The following MACROD2 variants were observed in gnomAD, a reference collection of about 807,000 sequenced individuals.
The protein encoded by MACROD2 is mono-ADP ribosylhydrolase 2, also known as ADP-ribose glycohydrolase MACROD2.
A neutral mutation model predicts 70.4 loss-of-function variants in MACROD2; 36 were observed. The observed-to-expected ratio is 0.51, with a 90% CI of 0.39 to 0.68. MACROD2 has a LOEUF of 0.68. Among genes scored for constraint, MACROD2 ranks in the 30% least tolerant of loss-of-function variants. The probability of loss-of-function intolerance (pLI) is 0.00; values close to 1 mark genes in which losing one functional copy is unlikely to be tolerated. For synonymous variants in MACROD2, 172 were observed against 178.8 expected (o/e 0.96, Z 0.30); for missense variants, 496 against 538.4 (o/e 0.92, Z 0.78).
At chr20:15,864,035 A>G (rs572717126) in intron 9 of MACROD2, among the ~76,000 whole-genome samples, 15 of 152,150 alleles carry the variant, frequency 9.9e-5, no homozygotes, top group Admixed American at 7.9e-4. Context: ...AAAGAAGAGG[A>G]CTGTGGTTAT....
chr20:14,565,183 TGGTGGGAA>T (rs1220851847), intron 4 of MACROD2, among the ~76,000 whole-genome samples: 1 of 151,668 alleles, frequency 6.6e-6, no homozygotes, highest in Non-Finnish European at 1.5e-5. Flanking sequence ...GGACTCCAAA[TGGTGGGAA>T]GATGGGAAGG....
At chr20:15,285,061 T>G (rs1021611127) in intron 6 of MACROD2, among the ~76,000 whole-genome samples, 3 of 142,098 alleles carry the variant, frequency 2.1e-5, no homozygotes, top group Admixed American at 2.1e-4. Context: ...GAAAATAATA[T>G]TACAAAACTT....
At chr20:14,637,638 A>T (rs1203688549) in intron 4 of MACROD2, among the ~76,000 whole-genome samples, 1 of 152,164 alleles carries the variant, frequency 6.6e-6, no homozygotes, top group Non-Finnish European at 1.5e-5. Context: ...CTCACATTGT[A>T]CTACAGCAAT....
chr20:15,961,101 G>A (rs887546328), intron 12 of MACROD2, among the ~76,000 whole-genome samples: 3 of 152,126 alleles, frequency 2.0e-5, no homozygotes, highest in Non-Finnish European at 2.9e-5. Context: ...AGAGCCACAC[G>A]ATGAGCCACT....
intron 4 of MACROD2, among the ~76,000 whole-genome samples, chr20:14,642,431 A>C (rs1054681514): frequency 1.3e-5 from 2 of 152,108 alleles, no homozygotes; most frequent in African/African-American, 4.8e-5. Context: ...TCGCATTCAC[A>C]TCATGGGTAA....
chr20:15,845,179 A>G (rs1259262097), intron 8 of MACROD2, among the ~76,000 whole-genome samples: 3 of 152,148 alleles, frequency 2.0e-5, no homozygotes, highest in Non-Finnish European at 2.9e-5. Flanking sequence ...TAATTAGTAA[A>G]GTTGAGGTCA....
chr20:14,434,662 A>G (rs893632677), intron 3 of MACROD2, among the ~76,000 whole-genome samples: 5 of 152,166 alleles, frequency 3.3e-5, no homozygotes, highest in African/African-American at 1.2e-4. Context: ...GGCTCATCCC[A>G]TCAATATACA....
At chr20:14,632,520 C>T (rs1984571287) in intron 4 of MACROD2, among the ~76,000 whole-genome samples, 1 of 152,058 alleles carries the variant, frequency 6.6e-6, no homozygotes, top group South Asian at 2.1e-4. Context: ...TTCTTTTCTC[C>T]ACCAAGCCCC....
intron 3 of MACROD2, among the ~76,000 whole-genome samples, chr20:14,469,418 T>C (rs985620873): frequency 2.0e-5 from 3 of 152,074 alleles, no homozygotes; most frequent in East Asian, 1.9e-4. Context: ...GGGGTTGCTC[T>C]TCTCGGGGAG....
At chr20:14,425,188 T>G (rs1486204220) in intron 3 of MACROD2, among the ~76,000 whole-genome samples, 1 of 152,220 alleles carries the variant, frequency 6.6e-6, no homozygotes, top group Non-Finnish European at 1.5e-5. Context: ...TTTTTGATAT[T>G]GAGCTTCATG....
chr20:15,393,357 C>T (rs149704963), intron 6 of MACROD2, among the ~76,000 whole-genome samples: 94 of 152,260 alleles, frequency 6.2e-4, no homozygotes, highest in Non-Finnish European at 1.1e-3. Context: ...CAAACCTGAC[C>T]CTTTCTCCAG....
chr20:15,664,483 C>T (rs6110716), intron 8 of MACROD2, among the ~76,000 whole-genome samples: 16,873 of 152,112 alleles, frequency 0.11, 1,344 homozygotes, highest in East Asian at 0.36. Context: ...TGCGTAACAC[C>T]CCCCTAATCA....
chr20:15,000,777 T>C (rs939623708), intron 5 of MACROD2, among the ~76,000 whole-genome samples: 1 of 152,000 alleles, frequency 6.6e-6, no homozygotes, highest in Non-Finnish European at 1.5e-5. Flanking sequence ...GGAGCAAATA[T>C]GGCAAAATAA....
chr20:14,815,973 C>T (rs1267132052), intron 5 of MACROD2, among the ~76,000 whole-genome samples: 1 of 151,964 alleles, frequency 6.6e-6, no homozygotes, highest in Non-Finnish European at 1.5e-5. Context: ...TAAAGTAGGT[C>T]ATTTAGCTGC....
At chr20:14,926,543 C>T (rs536763851) in intron 5 of MACROD2, among the ~76,000 whole-genome samples, 52 of 140,340 alleles carry the variant, frequency 3.7e-4, no homozygotes, top group South Asian at 7.6e-4. Context: ...AGCAAGACTC[C>T]GTCAAAAAAA....
rs1300461589 is a variant in MACROD2 at position 15,014,617 on chromosome 20, G to A, written c.419-215323G>A. ...CTTGTATTAAGCTTGTGGTTTACATGCTTTTTTCTGTACTGAATCGCTAAA... is the reference window on the plus strand; with the variant it reads ...CTTGTATTAAGCTTGTGGTTTACATACTTTTTTCTGTACTGAATCGCTAAA... On this transcript the variant is annotated intron_variant, in intron 5 of 17. Transcript: ENST00000684519. Among the ~76,000 whole-genome samples, 8 of 152,238 alleles carry A rather than the reference G, an allele frequency of 5.3e-5. No homozygotes were observed. The South Asian group carries it at 6.2e-4, about 12-fold the overall frequency.
intron 6 of MACROD2, among the ~76,000 whole-genome samples, chr20:15,270,623 T>TA (rs941968246): frequency 3.6e-4 from 55 of 152,166 alleles, no homozygotes; most frequent in African/African-American, 1.3e-3. Flanking sequence ...AAGATAAAAT[T>TA]AAAAAAATAC....
At chr20:14,870,017 T>TA (rs1236929074) in intron 5 of MACROD2, among the ~76,000 whole-genome samples, 2 of 152,082 alleles carry the variant, frequency 1.3e-5, no homozygotes, top group Non-Finnish European at 2.9e-5. Context: ...ACTTGTATCA[T>TA]GGGAGTTTGC....
chr20:15,779,096 C>G (rs1162723190), intron 8 of MACROD2, among the ~76,000 whole-genome samples: 1 of 151,082 alleles, frequency 6.6e-6, no homozygotes, highest in Non-Finnish European at 1.5e-5. Flanking sequence ...TAAGCTGGTC[C>G]TCTAACTATC....
Sources: gnomAD v4.1 joint callset for allele counts (sites outside exome capture counted in the v4.1 genomes callset) on GRCh38, gnomAD v4.1.1 for gene constraint, MANE v1.5 for transcripts, NCBI Gene and HGNC (gene_info 2026-07-23, HGNC 2026-07-21) for gene names.